The following EXT1 variants were observed in gnomAD, a reference collection of about 807,000 sequenced individuals.
EXT1 encodes the protein exostosin glycosyltransferase 1.
A neutral mutation model predicts 82.5 loss-of-function variants in EXT1; 20 were observed. That is an observed-to-expected ratio of 0.24 (90% CI 0.17 to 0.35). The LOEUF (loss-of-function observed/expected upper bound fraction) is 0.35, where lower values mean the gene tolerates loss of function less well. EXT1 is among the 10% of genes least tolerant of loss of function. EXT1 has a pLI of 1.00. For synonymous variants in EXT1, 348 were observed against 350.8 expected (o/e 0.99, Z 0.09); for missense variants, 757 against 936.5 (o/e 0.81, Z 2.50).
At chr8:118,007,895 T>C (rs933875662) in intron 1 of EXT1, among the ~76,000 whole-genome samples, 1 of 152,172 alleles carries the variant, frequency 6.6e-6, no homozygotes, top group African/African-American at 2.4e-5. Flanking sequence ...GGACTAATGA[T>C]AGTGAGTATC....
intron 1 of EXT1, among the ~76,000 whole-genome samples, chr8:118,021,025 T>C (rs2129857028): frequency 6.6e-6 from 1 of 152,358 alleles, no homozygotes. Context: ...ATTTTGTATG[T>C]AAGAACAATA....
chr8:117,851,507 G>A (rs545002400), intron 1 of EXT1, among the ~76,000 whole-genome samples: 5 of 150,884 alleles, frequency 3.3e-5, no homozygotes, highest in East Asian at 1.9e-4. Context: ...GCCACGTTTC[G>A]GATTTTTTTT....
At chr8:117,827,784 C>CAAAAAAAA (rs768731740) in intron 4 of EXT1, among the ~76,000 whole-genome samples, 67 of 54,138 alleles carry the variant, frequency 1.2e-3, no homozygotes, top group South Asian at 2.3e-3. Flanking sequence ...GACTCTGTCT[C>CAAAAAAAA]AAAAAAAAAA....
chr8:117,890,942 C>T (rs1168578922), intron 1 of EXT1, among the ~76,000 whole-genome samples: 1 of 152,168 alleles, frequency 6.6e-6, no homozygotes, highest in Admixed American at 6.5e-5. Flanking sequence ...ACCCACAGCT[C>T]TCCTTCCTCC....
intron 1 of EXT1, among the ~76,000 whole-genome samples, chr8:117,917,972 C>T (rs1813786058): frequency 6.6e-6 from 1 of 152,128 alleles, no homozygotes. Context: ...CTGTTAGGCA[C>T]CTGACAGCAA....
chr8:118,041,174 T>G (rs984158489), intron 1 of EXT1, among the ~76,000 whole-genome samples: 1 of 152,200 alleles, frequency 6.6e-6, no homozygotes, highest in East Asian at 1.9e-4. Flanking sequence ...TCCTCAAGTC[T>G]GAAAAAGTCA....
chr8:118,077,786 A>C (rs993915721), intron 1 of EXT1, among the ~76,000 whole-genome samples: 1 of 152,220 alleles, frequency 6.6e-6, no homozygotes, highest in African/African-American at 2.4e-5. Context: ...CTAGGTCCAC[A>C]CTTTAACAAA....
chr8:117,800,625 T>C (rs1429370049), intron 10 of EXT1, among the ~76,000 whole-genome samples: 1 of 152,214 alleles, frequency 6.6e-6, no homozygotes, highest in Non-Finnish European at 1.5e-5. Context: ...AAAATTCTGT[T>C]CTTCTCTTAA....
intron 1 of EXT1, among the ~76,000 whole-genome samples, chr8:117,915,054 G>A (rs1271245005): frequency 6.6e-6 from 1 of 152,082 alleles, no homozygotes; most frequent in African/African-American, 2.4e-5. Flanking sequence ...GCTCAGGTGG[G>A]CATCACGGTC....
At chr8:117,939,571 G>GAAAAAAAA (rs11420757) in intron 1 of EXT1, among the ~76,000 whole-genome samples, 1 of 122,878 alleles carries the variant, frequency 8.1e-6, no homozygotes, top group African/African-American at 3.4e-5. Flanking sequence ...CTCCATCTCT[G>GAAAAAAAA]AAAAAAAAAA....
chr8:117,962,934 T>C (rs1484214543), intron 1 of EXT1, among the ~76,000 whole-genome samples: 1 of 152,078 alleles, frequency 6.6e-6, no homozygotes, highest in East Asian at 1.9e-4. Context: ...CTGATAGCAT[T>C]AATTTAAGCA....
intron 1 of EXT1, among the ~76,000 whole-genome samples, chr8:118,066,414 G>A (rs1199500787): frequency 2.6e-5 from 4 of 151,588 alleles, no homozygotes; most frequent in Non-Finnish European, 4.4e-5. Context: ...GAGCTGGAGT[G>A]CAGTGGCATG....
At chr8:117,980,914 G>A (rs1041115833) in intron 1 of EXT1, among the ~76,000 whole-genome samples, 2 of 152,106 alleles carry the variant, frequency 1.3e-5, no homozygotes, top group African/African-American at 4.8e-5. Context: ...GAGCACGGCA[G>A]GGCAGTGGTG....
chr8:117,915,216 A>AGG (rs1813724616), intron 1 of EXT1, among the ~76,000 whole-genome samples: 1 of 152,240 alleles, frequency 6.6e-6, no homozygotes, highest in African/African-American at 2.4e-5. Flanking sequence ...TATTCCACTA[A>AGG]GAAACTATTT....
In EXT1 at chr8:117,809,218, A is replaced by AACATATATATATATAT. The variant is rs71569748; in HGVS notation, c.1723-1842_1723-1841insATATATATATATATGT. 3.5e-4 allele frequency among the ~76,000 whole-genome samples: 38 copies of AACATATATATATATAT among 107,936 alleles called. 1 individual carries two copies. The highest frequency in any genetic ancestry group is 1.2e-3 in the African/African-American group (37 of 32,014). The allele number at this position is 107,936 out of a possible 152,430, so 70.8% of individuals were successfully genotyped here. On this transcript the variant is annotated intron_variant, in intron 8 of 10. Coordinates refer to ENST00000378204, the MANE Select transcript of EXT1 (RefSeq NM_000127.3). ...GTATATATATGTGTGTGTGTGTATA[A>AACATATATATATATAT]ATATATATATATATATATATATATA... is the stretch of plus-strand genomic sequence containing the variant.
chr8:117,934,658 C>A (rs1158578974), intron 1 of EXT1, among the ~76,000 whole-genome samples: 1 of 152,220 alleles, frequency 6.6e-6, no homozygotes, highest in Non-Finnish European at 1.5e-5. Context: ...TGAAATGCAG[C>A]CAGTTCACAG....
At chr8:118,064,337 C>T (rs902576923) in intron 1 of EXT1, among the ~76,000 whole-genome samples, 1 of 152,096 alleles carries the variant, frequency 6.6e-6, no homozygotes, top group Non-Finnish European at 1.5e-5. Flanking sequence ...CTAGCTCCCA[C>T]CCCTTGACAG....
At chr8:117,980,576 C>T (rs1815169047) in intron 1 of EXT1, among the ~76,000 whole-genome samples, 2 of 152,190 alleles carry the variant, frequency 1.3e-5, no homozygotes, top group Non-Finnish European at 2.9e-5. Flanking sequence ...TATGGAAATC[C>T]CACTCGGAAA....
intron 1 of EXT1, among the ~76,000 whole-genome samples, chr8:117,889,887 C>T (rs535900412): frequency 4.1e-4 from 62 of 152,286 alleles, no homozygotes; most frequent in Non-Finnish European, 6.9e-4. Context: ...GATTTAATTA[C>T]TCTGCCAACT....
Sources: gnomAD v4.1 joint callset for allele counts (sites outside exome capture counted in the v4.1 genomes callset) on GRCh38, gnomAD v4.1.1 for gene constraint, MANE v1.5 for transcripts, NCBI Gene and HGNC (gene_info 2026-07-23, HGNC 2026-07-21) for gene names.